TUT4: variants seen among roughly 807,000 people sequenced by gnomAD.
TUT4 encodes terminal uridylyl transferase 4.
A neutral mutation model predicts 192.2 loss-of-function variants in TUT4; 36 were observed. That is an observed-to-expected ratio of 0.19 (90% CI 0.14 to 0.25). The LOEUF (loss-of-function observed/expected upper bound fraction) is 0.25, where lower values mean the gene tolerates loss of function less well. Ranked by LOEUF, TUT4 falls within the 10% of genes least tolerant of loss-of-function variation. The pLI is 1.00. For missense variants in TUT4, 1,493 were observed against 1,957.2 expected (o/e 0.76, Z 4.47); for synonymous variants, 618 against 666.0 (o/e 0.93, Z 1.11).
intron 1 of TUT4, among the ~76,000 whole-genome samples, chr1:52,539,353 G>C (rs1201743804): frequency 6.6e-6 from 1 of 152,072 alleles, no homozygotes; most frequent in African/African-American, 2.4e-5. Flanking sequence ...CAAAGTATCA[G>C]TGAATATAAA....
intron 9 of TUT4, 69 bp downstream of exon 9, chr1:52,488,840 C>T (rs1361232272): frequency 2.7e-6 from 4 of 1,481,834 alleles, no homozygotes; most frequent in Non-Finnish European, 3.6e-6. Flanking sequence ...AAGAAAAGGC[C>T]TAATTTTGAA....
intron 2 of TUT4, among the ~76,000 whole-genome samples, chr1:52,524,056 A>G (rs1475820391): frequency 6.6e-6 from 1 of 152,240 alleles, no homozygotes; most frequent in Non-Finnish European, 1.5e-5. Flanking sequence ...GACATAGACA[A>G]TATTTCTAAA....
chr1:52,461,420 A>G, intron 18 of TUT4, 93 bp downstream of exon 18: 2 of 1,315,954 alleles, frequency 1.5e-6, no homozygotes, highest in South Asian at 1.4e-5. Context: ...TTTTCCTTAT[A>G]CTGTTCACAT....
intron 15 of TUT4, among the ~76,000 whole-genome samples, chr1:52,466,209 T>C (rs968148069): frequency 2.6e-5 from 4 of 152,198 alleles, no homozygotes; most frequent in Non-Finnish European, 5.9e-5. Flanking sequence ...CATGATTTTA[T>C]ATAATAGAGA....
At chr1:52,512,085 T>C (rs145138709) in intron 3 of TUT4, among the ~76,000 whole-genome samples, 221 of 152,310 alleles carry the variant, frequency 1.5e-3, no homozygotes, top group Non-Finnish European at 2.6e-3. Flanking sequence ...AACTTTTCAA[T>C]TGTAAAATGT....
At chr1:52,461,426 C>A in intron 18 of TUT4, 87 bp downstream of exon 18, 1 of 1,348,504 alleles carries the variant, frequency 7.4e-7, no homozygotes, top group South Asian at 1.3e-5. Flanking sequence ...TTATACTGTT[C>A]ACATTTGAAA....
intron 28 of TUT4, among the ~76,000 whole-genome samples, chr1:52,429,191 C>T (rs1336568946): frequency 6.6e-6 from 1 of 150,860 alleles, no homozygotes; most frequent in African/African-American, 2.4e-5. Flanking sequence ...TCACACCATC[C>T]TCCTGCCTCA....
intron 3 of TUT4, 55 bp downstream of exon 3, chr1:52,515,835 GA>G: frequency 6.2e-7 from 1 of 1,604,658 alleles, no homozygotes; most frequent in South Asian, 1.1e-5. Context: ...TGTACTTGGG[GA>G]AAACAGTTAT....
intron 1 of TUT4, among the ~76,000 whole-genome samples, chr1:52,549,797 G>A (rs112593696): frequency 3.9e-4 from 59 of 150,200 alleles, no homozygotes; most frequent in African/African-American, 1.3e-3. Context: ...CTGAACGAGT[G>A]AAAAAAAAAT....
At chr1:52,438,759 G>T (rs1205549275) in intron 24 of TUT4, among the ~76,000 whole-genome samples, 3 of 152,132 alleles carry the variant, frequency 2.0e-5, no homozygotes, top group African/African-American at 7.2e-5. Context: ...TTCTGGAAAG[G>T]AATTATTCTC....
At chr1:52,427,074 AAG>A (rs1263441384) in intron 28 of TUT4, among the ~76,000 whole-genome samples, 1 of 152,190 alleles carries the variant, frequency 6.6e-6, no homozygotes, top group Non-Finnish European at 1.5e-5. Flanking sequence ...CAGGCTACTA[AAG>A]AGAAAACTAA....
chr1:52,521,745 C>A (rs1486182289), intron 2 of TUT4, among the ~76,000 whole-genome samples: 1 of 152,008 alleles, frequency 6.6e-6, no homozygotes, highest in Non-Finnish European at 1.5e-5. Flanking sequence ...GTGGGTGGAT[C>A]ACAAGGTCAG....
At chr1:52,530,688 C>G (rs902017322) in intron 1 of TUT4, among the ~76,000 whole-genome samples, 2 of 152,126 alleles carry the variant, frequency 1.3e-5, no homozygotes, top group Non-Finnish European at 2.9e-5. Flanking sequence ...ACGAAGTTCT[C>G]TCGGAGGAGA....
At chr1:52,425,632 A>G (rs1006969828) in intron 28 of TUT4, 125 bp from the exon 29 acceptor site, 24 of 1,185,756 alleles carry the variant, frequency 2.0e-5, no homozygotes, top group Non-Finnish European at 2.7e-5. Context: ...AATTCAGAGA[A>G]TACCAAACAA....
chr1:52,525,021 C>T (rs1180748639), intron 2 of TUT4, among the ~76,000 whole-genome samples: 1 of 152,172 alleles, frequency 6.6e-6, no homozygotes, highest in African/African-American at 2.4e-5. Context: ...TGCCCAAAGT[C>T]TAAATCTCAC....
chr1:52,460,096 G>GA (rs1313857732), intron 19 of TUT4, among the ~76,000 whole-genome samples: 8 of 152,158 alleles, frequency 5.3e-5, no homozygotes, highest in Non-Finnish European at 1.0e-4. Flanking sequence ...CTTGTTAGGT[G>GA]AATCTAGAAA....
chr1:52,530,769 G>GA (rs538723177), intron 1 of TUT4, among the ~76,000 whole-genome samples: 79 of 152,276 alleles, frequency 5.2e-4, no homozygotes, highest in Non-Finnish European at 1.0e-3. Context: ...ATAGGAGGCT[G>GA]AGGTAGGCTG....
In TUT4 at chr1:52,458,384, C is replaced by T. The variant is rs776869190; in HGVS notation, c.3387G>A (p.Leu1129=). ...GTGGCTTTCTCTGCTGCAGAAAGTA[C>T]AGCACCATAAGGATATATGCATATG... The part of the protein sequence containing the change: ...LSSYAYILMV[L]YFLQQRKPPV... Residue 1129 remains leucine, a synonymous_variant, in exon 20 of 30, where the codon CTG becomes CTA. Transcript: ENST00000257177. 34 of 1,613,838 alleles carry T rather than the reference C, an allele frequency of 2.1e-5. No individual in the cohort carries two copies. In the South Asian group the frequency reaches 3.3e-4, roughly 16 times the overall value.
chr1:52,475,891 C>A (rs967419879), intron 12 of TUT4, among the ~76,000 whole-genome samples: 1 of 151,794 alleles, frequency 6.6e-6, no homozygotes, highest in Admixed American at 6.6e-5. Context: ...GTCCCCCAAG[C>A]TGGAGTACAG....
Sources: gnomAD v4.1 joint callset for allele counts (sites outside exome capture counted in the v4.1 genomes callset) on GRCh38, gnomAD v4.1.1 for gene constraint, MANE v1.5 for transcripts, NCBI Gene and HGNC (gene_info 2026-07-23, HGNC 2026-07-21) for gene names.